The following ADGRF3 variants were observed in gnomAD, a reference collection of about 807,000 sequenced individuals.
The protein encoded by ADGRF3 is adhesion G protein-coupled receptor F3.
Under a neutral mutation model 93.2 loss-of-function variants are expected in ADGRF3, and 85 were observed. The observed-to-expected ratio is 0.91, with a 90% CI of 0.77 to 1.09. The LOEUF is 1.09. ADGRF3 is among the 50% of genes least tolerant of loss of function. The pLI is 0.00. For missense variants in ADGRF3, 1,125 were observed against 1,246.2 expected (o/e 0.90, Z 1.46); for synonymous variants, 534 against 532.5 (o/e 1.00, Z -0.04).
At chr2:26,340,197 A>G (rs894843274) in intron 1 of ADGRF3, among the ~76,000 whole-genome samples, 2 of 152,226 alleles carry the variant, frequency 1.3e-5, no homozygotes, top group Non-Finnish European at 2.9e-5. Context: ...GCCAGCTTCC[A>G]TTAGAGTTCT....
chr2:26,321,830 C>T (rs1675166234), intron 1 of ADGRF3, among the ~76,000 whole-genome samples: 1 of 151,154 alleles, frequency 6.6e-6, no homozygotes, highest in Non-Finnish European at 1.5e-5. Flanking sequence ...AAAAATTAGC[C>T]AGGTTTGGTG....
chr2:26,310,824 C>T lies in ADGRF3; in HGVS notation c.2700G>A (p.Leu900=), dbSNP rs774317223. ...EGPPAEKRQA[L]LGVIKALLIL... ...TGAGCAGGGCTTTGATCACCCCCAGCAGAGCTTGGCGCTTCTCTGCTGGGG... is the reference window on the plus strand; with the variant it reads ...TGAGCAGGGCTTTGATCACCCCCAGTAGAGCTTGGCGCTTCTCTGCTGGGG... Residue 900 remains leucine, a synonymous_variant, in exon 10 of 14, where the codon CTG becomes CTA. Coordinates refer to ENST00000651242, the MANE Select transcript of ADGRF3 (RefSeq NM_001321971.2). 6 of 1,613,594 alleles carry T rather than the reference C, an allele frequency of 3.7e-6. No individual in the cohort carries two copies. In the Admixed American group the frequency reaches 1.0e-4, roughly 27 times the overall value.
intron 1 of ADGRF3, among the ~76,000 whole-genome samples, chr2:26,326,322 C>G (rs575695129): frequency 1.6e-4 from 25 of 152,262 alleles, no homozygotes; most frequent in African/African-American, 6.0e-4. Flanking sequence ...AGGATATATT[C>G]TGGTTCTCTG....
chr2:26,317,882 C>T (rs921603089), intron 1 of ADGRF3: 38 of 752,182 alleles, frequency 5.1e-5, no homozygotes, highest in South Asian at 4.1e-4. Flanking sequence ...GCTCCAGCAG[C>T]GGAGCTGGAC....
In ADGRF3 at chr2:26,311,443, T is replaced by G. The variant is rs374443216; in HGVS notation, c.2081A>C (p.His694Pro). The change falls in exon 10 of 14, where the codon CAC becomes CCC. Residue 694 changes from histidine to proline, a missense_variant. Transcript: ENST00000651242. ...LTAFSVLMSP[H>P]TVPEEPALAL... is the part of the protein sequence containing the mutation. ...CAGAGCGGGTTCTTCCGGAACAGTG[T>G]GTGGGGACATGAGGACGGAGAAGGC... 1 of 1,614,014 alleles carries G rather than the reference T, an allele frequency of 6.2e-7. No homozygotes were observed. The highest frequency in any genetic ancestry group is 8.5e-7 in the Non-Finnish European group (1 of 1,179,894).
Position 26,324,832 on chromosome 2 carries a change from T to G in ADGRF3, c.115-7270A>C, listed in dbSNP as rs1166733811. On this transcript the variant is annotated intron_variant, in intron 1 of 13. Coordinates refer to ENST00000651242, the MANE Select transcript of ADGRF3 (RefSeq NM_001321971.2). ...AGAATGATTTATATACCTTTGGGTA[T>G]AGACCCAGTAATGGGATTGCTGGGT... 2.6e-5 allele frequency among the ~76,000 whole-genome samples: 4 copies of G among 152,258 alleles called. No individual in the cohort carries two copies. In the East Asian group the frequency reaches 7.7e-4, roughly 29 times the overall value.
chr2:26,335,829 C>T (rs2147919447), intron 1 of ADGRF3, among the ~76,000 whole-genome samples: 1 of 152,252 alleles, frequency 6.6e-6, no homozygotes, highest in Admixed American at 6.5e-5. Flanking sequence ...TTTTTTCTTG[C>T]AGATCATTTC....
intron 1 of ADGRF3, among the ~76,000 whole-genome samples, chr2:26,321,079 A>T (rs1675119896): frequency 2.0e-5 from 3 of 152,090 alleles, no homozygotes; most frequent in Non-Finnish European, 2.9e-5. Context: ...TAATCAAAAA[A>T]AGTTGATTTA....
Position 26,318,147 on chromosome 2 carries a change from C to T in ADGRF3, c.115-585G>A, listed in dbSNP as rs776308809. ...GTCTGGTAGGGAGGTGAGGATGGAGCTGGCCCAAGGAGAGAGAACATGGCA... is the reference window on the plus strand; with the variant it reads ...GTCTGGTAGGGAGGTGAGGATGGAGTTGGCCCAAGGAGAGAGAACATGGCA... On this transcript the variant is annotated intron_variant, in intron 1 of 13. Coordinates refer to ENST00000651242, the MANE Select transcript of ADGRF3 (RefSeq NM_001321971.2). 3.0e-5 allele frequency: 43 copies of T among 1,446,566 alleles called. No individual in the cohort carries two copies. The East Asian group carries it at 3.2e-4, about 11-fold the overall frequency. 89.6% of individuals were successfully genotyped at this position (1,446,566 alleles called of 1,614,324 possible).
chr2:26,317,747 A>G (rs1406587601), intron 1 of ADGRF3, among the ~76,000 whole-genome samples, 185 bp from the exon 2 acceptor site: 1 of 152,182 alleles, frequency 6.6e-6, no homozygotes, highest in Non-Finnish European at 1.5e-5. Context: ...AACCCCAGGA[A>G]CCCTGCTATC....
intron 1 of ADGRF3, among the ~76,000 whole-genome samples, chr2:26,334,520 T>C (rs1239317432): frequency 6.6e-6 from 1 of 152,218 alleles, no homozygotes; most frequent in Non-Finnish European, 1.5e-5. Context: ...GAAAACTAGC[T>C]GGTGGCTACC....
chr2:26,329,531 C>T (rs980263530), intron 1 of ADGRF3, among the ~76,000 whole-genome samples: 10 of 152,198 alleles, frequency 6.6e-5, no homozygotes, highest in South Asian at 2.1e-4. Context: ...TTCTTCCCTG[C>T]GGTTTCCAGA....
At position 26,314,634 on chromosome 2, in the gene ADGRF3, G is replaced by A. The variant is rs376096684; in HGVS notation, c.719-11C>T. 7.0e-5 allele frequency: 112 copies of A among 1,610,318 alleles called. No homozygotes were observed. Among genetic ancestry groups the A allele is most frequent in the Non-Finnish European group, 8.5e-5 (100 of 1,177,140 alleles). On this transcript the variant is annotated splice_polypyrimidine_tract_variant and intron_variant, in intron 5 of 13. Transcript: ENST00000651242. ...AGCTCATGTACTCACCTGCAGAAACGTGTGTGCGGCGCTATGTGGCTCCTC... is the reference window on the plus strand; with the variant it reads ...AGCTCATGTACTCACCTGCAGAAACATGTGTGCGGCGCTATGTGGCTCCTC...
At chr2:26,344,440 G>C (rs1352571612) in intron 1 of ADGRF3, among the ~76,000 whole-genome samples, 6 of 152,076 alleles carry the variant, frequency 3.9e-5, no homozygotes, top group Non-Finnish European at 1.5e-5. Flanking sequence ...CACCGCGCCT[G>C]GCCGAGACTC....
chr2:26,337,194 T>C (rs539963286), intron 1 of ADGRF3, among the ~76,000 whole-genome samples: 3 of 152,334 alleles, frequency 2.0e-5, no homozygotes, highest in Admixed American at 2.0e-4. Flanking sequence ...TGCCATTCCA[T>C]CCATTAAGTA....
At chr2:26,314,662 G>A (rs1487616156) in intron 5 of ADGRF3, 39 bp from the exon 6 acceptor site, 1 of 1,548,928 alleles carries the variant, frequency 6.5e-7, no homozygotes, top group Admixed American at 1.8e-5. Flanking sequence ...GGCTCCTCTG[G>A]GCCCCGCTGC....
In ADGRF3 at chr2:26,346,136, A is replaced by T; in HGVS notation, c.99T>A (p.Thr33=). The stretch of plus-strand genomic sequence containing the variant: ...GCTCTCCTACCTTCTCGGGCAGCCC[A>T]GTCTTTGCCATCCTTGCCCAGCCGG... ...HHTGWARMAK[T]GLPEKGQSQA... Residue 33 remains threonine, a synonymous_variant, in exon 1 of 14, where the codon ACT becomes ACA. Transcript: ENST00000651242. 2.5e-6 allele frequency: 4 copies of T among 1,599,110 alleles called. No homozygotes were observed. Among genetic ancestry groups the T allele is most frequent in the Middle Eastern group, 1.7e-4 (1 of 6,050 alleles).
intron 13 of ADGRF3, 65 bp downstream of exon 13, chr2:26,309,461 G>C (rs1188492732): frequency 2.5e-6 from 4 of 1,577,130 alleles, no homozygotes; most frequent in African/African-American, 1.3e-5. Context: ...TTGCCAGGAG[G>C]CCCTTTGCCA....
At chr2:26,314,357 G>A in intron 6 of ADGRF3, 57 bp downstream of exon 6, 1 of 1,503,088 alleles carries the variant, frequency 6.7e-7, no homozygotes, top group Non-Finnish European at 9.1e-7. Flanking sequence ...CAGCTGCCTG[G>A]AAGAGACAGC....
Sources: allele counts gnomAD v4.1 joint callset (sites outside exome capture counted in the v4.1 genomes callset), GRCh38; gene constraint gnomAD v4.1.1; transcripts MANE v1.5; gene names NCBI Gene and HGNC (gene_info 2026-07-23, HGNC 2026-07-21).